Variants in CACNA1B observed in about 807,000 individuals in gnomAD.
CACNA1B encodes the protein voltage-dependent N-type calcium channel subunit alpha-1B.
CACNA1B carries 70 observed loss-of-function variants against 247.2 expected under a neutral mutation model. That is an observed-to-expected ratio of 0.28 (90% CI 0.23 to 0.35). CACNA1B has a LOEUF of 0.35. CACNA1B is among the 10% of genes least tolerant of loss of function. CACNA1B has a pLI of 1.00. For missense variants in CACNA1B, 2,367 were observed against 3,197.4 expected (o/e 0.74, Z 6.26); for synonymous variants, 1,231 against 1,294.4 (o/e 0.95, Z 1.05).
rs367713317 is a variant in CACNA1B, at chr9:138,010,675, C to T, written c.2160+598C>T. Among the ~76,000 whole-genome samples, 4 of 152,126 alleles carry T rather than the reference C, an allele frequency of 2.6e-5. No homozygotes were observed. Among genetic ancestry groups the T allele is most frequent in the African/African-American group, 9.7e-5 (4 of 41,406 alleles). ...GGTTTGGTGTGAACCACGCTGCAAACGTCCCACGTGCATGCTCTGCACATC... is the reference window on the plus strand; with the variant it reads ...GGTTTGGTGTGAACCACGCTGCAAATGTCCCACGTGCATGCTCTGCACATC... On this transcript the variant is annotated intron_variant, in intron 17 of 46. Coordinates refer to ENST00000371372, the MANE Select transcript of CACNA1B (RefSeq NM_000718.4). This position sits in a 1 kb window ranked among gnomAD's most constrained non-coding sequence, Gnocchi z 5.3.
chr9:137,971,384 A>T lies in CACNA1B; in HGVS notation c.1335A>T (p.Gly445=). The T allele has an allele frequency of 6.2e-7, 1 of 1,607,856 alleles. No individual in the cohort carries two copies. The highest frequency in any genetic ancestry group is 8.5e-7 in the Non-Finnish European group (1 of 1,177,068). ...CTCAGTAACTCCCCATCCCCTCAGG[A>T]TCCCCCTTCGCCCGCGCCAGCCTCA... ...EDRFADLCAV[G]SPFARASLKS... The change falls in exon 11 of 47, where the codon GGA becomes GGT. Residue 445 remains glycine (G), a splice_region_variant and synonymous_variant. Coordinates refer to ENST00000371372, the MANE Select transcript of CACNA1B (RefSeq NM_000718.4). This position sits in a 1 kb window ranked among gnomAD's most constrained non-coding sequence, Gnocchi z 4.4.
chr9:138,071,507 C>T (rs1348048315), intron 32 of CACNA1B, among the ~76,000 whole-genome samples: 3 of 152,206 alleles, frequency 2.0e-5, no homozygotes, highest in Non-Finnish European at 2.9e-5. Flanking sequence ...GCTCGAACAT[C>T]TGTGGCTGCC....
Position 137,981,124 on chromosome 9 carries a change from T to A in CACNA1B, c.1657-3014T>A, listed in dbSNP as rs184362830. Among the ~76,000 whole-genome samples the A allele has an allele frequency of 3.3e-5, 5 of 152,360 alleles. No individual in the cohort carries two copies. In the East Asian group the frequency reaches 9.6e-4, roughly 29 times the overall value. On this transcript the variant is annotated intron_variant, in intron 12 of 46. Coordinates refer to ENST00000371372, the MANE Select transcript of CACNA1B (RefSeq NM_000718.4). ...AATTTACATTCCCACCAACATCCCC[T>A]TTTCTCCGTAGCTTCGCCAACATCT...
At position 138,012,302 on chromosome 9, in the gene CACNA1B, G is replaced by A. The variant is rs961576780; in HGVS notation, c.2161-827G>A. On this transcript the variant is annotated intron_variant, in intron 17 of 46. Coordinates refer to ENST00000371372, the MANE Select transcript of CACNA1B (RefSeq NM_000718.4). This position sits in a 1 kb window ranked among gnomAD's most constrained non-coding sequence, Gnocchi z 4.2. ...CCTGGTGGCAGTGCTTGTGGGCAGT[G>A]CTGGGTCAGGACTTAGCCACAGGTG... Among the ~76,000 whole-genome samples, 2 of 152,206 alleles carry A rather than the reference G, an allele frequency of 1.3e-5. No homozygotes were observed. The highest frequency in any genetic ancestry group is 2.9e-5 in the Non-Finnish European group (2 of 68,040).
chr9:137,971,737 TC>T lies in CACNA1B; in HGVS notation c.1543+147del. On this transcript the variant is annotated intron_variant, in intron 11 of 46. Transcript: ENST00000371372. The surrounding 1 kb of genome is among the most constrained non-coding windows in gnomAD (Gnocchi z 4.4). ...AAGTATCCCACAGCCCTAGTCAGCC[TC>T]CAGGAGCCTCTGTGGGGGCCTGGGG... 1.5e-6 allele frequency: 1 copy of T among 685,936 alleles called. No homozygotes were observed. The highest frequency in any genetic ancestry group is 2.5e-6 in the Non-Finnish European group (1 of 405,878). 42.5% of individuals were successfully genotyped at this position (685,936 alleles called of 1,614,324 possible). A position where few individuals can be genotyped will look rare whatever the true frequency, so the allele number is the denominator to read the frequency against.
At chr9:138,065,821 T>C (rs1054534489) in intron 31 of CACNA1B, among the ~76,000 whole-genome samples, 3 of 152,174 alleles carry the variant, frequency 2.0e-5, no homozygotes, top group Admixed American at 6.5e-5. Context: ...GCTAATGATA[T>C]CTTGCGGTAT....
In CACNA1B at chr9:138,052,222, C is replaced by CTGTGTGTGTGTGCG. The variant is rs111468047; in HGVS notation, c.3807+61_3807+74dup. 2.9e-5 allele frequency: 31 copies of CTGTGTGTGTGTGCG among 1,080,680 alleles called. No homozygotes were observed. The highest frequency in any genetic ancestry group is 3.5e-5 in the Non-Finnish European group (26 of 753,024). The allele number at this position is 1,080,680 out of a possible 1,614,324, so 66.9% of individuals were successfully genotyped here. On this transcript the variant is annotated intron_variant, in intron 25 of 46. Transcript: ENST00000371372. This position sits in a 1 kb window ranked among gnomAD's most constrained non-coding sequence, Gnocchi z 5.1. ...CTGGAGTTGGGGCTTGAGGGATGTG[C>CTGTGTGTGTGTGCG]TGTGTGTGTGTGCGTGTGTGTGTGT...
In CACNA1B at chr9:138,058,989, G is replaced by C. The variant is rs894972643; in HGVS notation, c.4474-90G>C. On this transcript the variant is annotated intron_variant, in intron 29 of 46. Transcript: ENST00000371372. This position sits in a 1 kb window ranked among gnomAD's most constrained non-coding sequence, Gnocchi z 4.7. ...CAGGCCTAGGCAGGCATCGAGTTCTGTCTGCCCGCTTTGCTTGGTCATAGT... is the reference window on the plus strand; with the variant it reads ...CAGGCCTAGGCAGGCATCGAGTTCTCTCTGCCCGCTTTGCTTGGTCATAGT... 8.5e-6 allele frequency: 7 copies of C among 818,986 alleles called. No individual in the cohort carries two copies. Among genetic ancestry groups the C allele is most frequent in the Non-Finnish European group, 1.4e-5 (7 of 483,766 alleles). 50.7% of individuals were successfully genotyped at this position (818,986 alleles called of 1,614,324 possible).
Position 137,979,006 on chromosome 9 carries a change from A to G in CACNA1B, c.1656+2987A>G, listed in dbSNP as rs528744873. Among the ~76,000 whole-genome samples the G allele has an allele frequency of 6.6e-5, 10 of 152,356 alleles. No individual in the cohort carries two copies. In the South Asian group the frequency reaches 8.3e-4, roughly 13 times the overall value. On this transcript the variant is annotated intron_variant, in intron 12 of 46. Coordinates refer to ENST00000371372, the MANE Select transcript of CACNA1B (RefSeq NM_000718.4). ...TTGGTCACAAAGAAGGTCTGAGTGC[A>G]TCGGCCAAGGGAGCCGAAGAGATGG...
At chr9:137,969,953 G>T (rs1256434886) in intron 10 of CACNA1B, among the ~76,000 whole-genome samples, 4 of 152,110 alleles carry the variant, frequency 2.6e-5, no homozygotes, top group Non-Finnish European at 4.4e-5. Flanking sequence ...GAGAGCCTGG[G>T]TGTGCACATG....
chr9:138,083,981 G>A (rs937392576), intron 36 of CACNA1B, among the ~76,000 whole-genome samples: 1 of 150,848 alleles, frequency 6.6e-6, no homozygotes, highest in African/African-American at 2.5e-5. Context: ...TTCCTGAATT[G>A]CAGCTGTATC....
intron 38 of CACNA1B, 27 bp from the exon 39 acceptor site, chr9:138,105,672 G>A (rs1392464991): frequency 2.3e-6 from 3 of 1,326,052 alleles, no homozygotes; most frequent in Non-Finnish European, 3.2e-6. Context: ...AGCAGGCCTG[G>A]CCCTGACCGG....
In CACNA1B at chr9:137,973,830, C is replaced by G. The variant is rs1958185403; in HGVS notation, c.1544-2077C>G. The stretch of plus-strand genomic sequence containing the variant: ...TTCCTAGGGAGAGTGAGAGGGCAGA[C>G]AGGATGTTGGAGGATTTCAGATCTC... On this transcript the variant is annotated intron_variant, in intron 11 of 46. Coordinates refer to ENST00000371372, the MANE Select transcript of CACNA1B (RefSeq NM_000718.4). This position sits in a 1 kb window ranked among gnomAD's most constrained non-coding sequence, Gnocchi z 4.1. 6.6e-6 allele frequency among the ~76,000 whole-genome samples: 1 copy of G among 152,188 alleles called. No homozygotes were observed. The highest frequency in any genetic ancestry group is 2.4e-5 in the African/African-American group (1 of 41,438).
chr9:137,927,245 CT>C (rs71387876), intron 6 of CACNA1B, among the ~76,000 whole-genome samples: 132,325 of 136,482 alleles, frequency 0.97, 64,140 homozygotes, highest in South Asian at 0.99. Context: ...CTTTCTTCTT[CT>C]TTTTTTTTTT....
chr9:138,065,588 C>T (rs1484264955), intron 31 of CACNA1B, among the ~76,000 whole-genome samples: 2 of 152,164 alleles, frequency 1.3e-5, no homozygotes, highest in African/African-American at 2.4e-5. Context: ...TGGGTGCTGA[C>T]GTTGGAGCAT....
At position 138,061,593 on chromosome 9, in the gene CACNA1B, G is replaced by A. The variant is rs542136231; in HGVS notation, c.4668+1856G>A. Among the ~76,000 whole-genome samples the A allele has an allele frequency of 3.9e-5, 6 of 152,280 alleles. No individual in the cohort carries two copies. In the East Asian group the frequency reaches 1.2e-3, roughly 29 times the overall value. On this transcript the variant is annotated intron_variant, in intron 31 of 46. Coordinates refer to ENST00000371372, the MANE Select transcript of CACNA1B (RefSeq NM_000718.4). ...GTGGTGTTGCGTTAGATGATCCAGTGGACCCCGCGGTCACCTGGCTCACAT... is the reference window on the plus strand; with the variant it reads ...GTGGTGTTGCGTTAGATGATCCAGTAGACCCCGCGGTCACCTGGCTCACAT...
At chr9:138,116,086 C>G (rs1961858083) in intron 42 of CACNA1B, among the ~76,000 whole-genome samples, 1 of 152,248 alleles carries the variant, frequency 6.6e-6, no homozygotes, top group Admixed American at 6.5e-5. Flanking sequence ...AACACACGCA[C>G]CTGCTTCCCT....
chr9:137,955,759 C>T lies in CACNA1B; in HGVS notation c.1132C>T (p.Gln378Ter). The stretch of plus-strand genomic sequence containing the variant: ...CCGCGCCTTCCTGAAGCTGCGCCGG[C>T]AGCAGCAGATCGAGCGAGAGCTCAA... The part of the protein sequence containing the change: ...NRRAFLKLRR[Q>*]QQIERELNGY... The change falls in exon 8 of 47, where the codon CAG becomes TAG. Residue 378 changes from glutamine to a stop codon, truncating the protein, a stop_gained. Coordinates refer to ENST00000371372, the MANE Select transcript of CACNA1B (RefSeq NM_000718.4). LOFTEE classifies it high-confidence loss of function. This position sits in a 1 kb window ranked among gnomAD's most constrained non-coding sequence, Gnocchi z 6.9. 6.2e-7 allele frequency: 1 copy of T among 1,613,030 alleles called. No individual in the cohort carries two copies. The highest frequency in any genetic ancestry group is 8.5e-7 in the Non-Finnish European group (1 of 1,179,506).
chr9:137,959,888 C>T (rs1216787350), intron 10 of CACNA1B, among the ~76,000 whole-genome samples: 2 of 152,178 alleles, frequency 1.3e-5, no homozygotes, highest in East Asian at 3.9e-4. Context: ...GGAAAATAGG[C>T]CGCATGCCAG....
Sources: allele counts gnomAD v4.1 joint callset (sites outside exome capture counted in the v4.1 genomes callset), GRCh38; gene constraint gnomAD v4.1.1; non-coding constraint Gnocchi (gnomAD v3.1); transcripts MANE v1.5; gene names NCBI Gene and HGNC (gene_info 2026-07-23, HGNC 2026-07-21).